The following KCNH1 variants were observed in gnomAD, a reference collection of about 807,000 sequenced individuals.
KCNH1 encodes potassium voltage-gated channel subfamily H member 1.
A neutral mutation model predicts 69.2 loss-of-function variants in KCNH1; 27 were observed. The ratio of observed to expected loss-of-function variants is 0.39; its 90% confidence interval spans 0.29 to 0.54. The LOEUF (loss-of-function observed/expected upper bound fraction) is 0.54. KCNH1 is among the 20% of genes least tolerant of loss of function. KCNH1 has a pLI of 0.68. For missense variants in KCNH1, 798 were observed against 1,261.6 expected, an observed-to-expected ratio of 0.63 and a Z score of 5.57; for synonymous variants, 456 against 487.7, an observed-to-expected ratio of 0.93 and a Z score of 0.86.
chr1:210,764,336 A>T (rs1454507123), intron 10 of KCNH1, among the ~76,000 whole-genome samples: 2 of 152,178 alleles, frequency 1.3e-5, no homozygotes, highest in Non-Finnish European at 2.9e-5. Flanking sequence ...AGTCCTCAAA[A>T]GCAAATGCAA....
intron 6 of KCNH1, among the ~76,000 whole-genome samples, chr1:210,981,671 G>A (rs987437728): frequency 6.6e-6 from 1 of 152,106 alleles, no homozygotes; most frequent in Non-Finnish European, 1.5e-5. Context: ...AAGTCCATCT[G>A]TACTGTCAAA....
At chr1:210,732,204 C>A (rs1246621907) in intron 10 of KCNH1, among the ~76,000 whole-genome samples, 2 of 151,490 alleles carry the variant, frequency 1.3e-5, no homozygotes, top group African/African-American at 4.9e-5. Flanking sequence ...CCAAATCTCA[C>A]CCCCACAAGC....
intron 10 of KCNH1, among the ~76,000 whole-genome samples, chr1:210,760,557 C>A (rs1345033068): frequency 2.0e-5 from 3 of 152,190 alleles, no homozygotes; most frequent in Non-Finnish European, 4.4e-5. Flanking sequence ...AACATGGAAA[C>A]AAACGAATGT....
Position 210,681,976 on chromosome 1 carries a change from G to A in KCNH1, c.*1305C>T, listed in dbSNP as rs568532855. The A allele has an allele frequency of 3.3e-5, 5 of 152,294 alleles. No homozygotes were observed. The East Asian group carries it at 7.8e-4, about 24-fold the overall frequency. The allele number at this position is 152,294 out of a possible 1,614,324, so 9.4% of individuals were successfully genotyped here. On this transcript the variant is annotated 3_prime_UTR_variant, in exon 11 of 11. Coordinates refer to ENST00000271751, the MANE Select transcript of KCNH1 (RefSeq NM_172362.3). The stretch of plus-strand genomic sequence containing the variant: ...GACCATGAGGCAGTGAAGTGTCCCC[G>A]AGCATCGTGGCATAGGGGCTTGGAT...
intron 10 of KCNH1, among the ~76,000 whole-genome samples, chr1:210,694,255 GACAC>G (rs537310674): frequency 1.3e-5 from 2 of 151,838 alleles, no homozygotes; most frequent in African/African-American, 4.8e-5. Context: ...ATGTTTTGAG[GACAC>G]ACACACACGC....
At chr1:211,056,213 C>T (rs1690301129) in intron 5 of KCNH1, among the ~76,000 whole-genome samples, 1 of 152,194 alleles carries the variant, frequency 6.6e-6, no homozygotes, top group African/African-American at 2.4e-5. Context: ...CAGTATTTAC[C>T]ATAAGTTGAC....
chr1:210,761,059 C>T lies in KCNH1; in HGVS notation c.2112+14289G>A, dbSNP rs530006140. 2.0e-3 allele frequency among the ~76,000 whole-genome samples: 295 copies of T among 150,992 alleles called. 1 individual carries two copies. Among genetic ancestry groups the T allele is most frequent in the African/African-American group, 6.6e-3 (270 of 41,156 alleles). On this transcript the variant is annotated intron_variant, in intron 10 of 10. Coordinates refer to ENST00000271751, the MANE Select transcript of KCNH1 (RefSeq NM_172362.3). ...CAAGGTCAGGAGATCGAGACCATCC[C>T]GGCTAAAATGGTGAAACCCCGTCTC...
At chr1:210,826,598 G>GACAGC (rs1685036235) in intron 7 of KCNH1, among the ~76,000 whole-genome samples, 1 of 152,134 alleles carries the variant, frequency 6.6e-6, no homozygotes, top group Non-Finnish European at 1.5e-5. Context: ...TCTTTTGAAA[G>GACAGC]ACAGCACAGC....
intron 10 of KCNH1, among the ~76,000 whole-genome samples, chr1:210,774,307 A>T (rs1683817597): frequency 6.6e-6 from 1 of 152,134 alleles, no homozygotes; most frequent in African/African-American, 2.4e-5. Flanking sequence ...GGGCATGAGG[A>T]AGGTTTTTAA....
At chr1:210,721,897 A>G (rs1038819591) in intron 10 of KCNH1, among the ~76,000 whole-genome samples, 25 of 152,244 alleles carry the variant, frequency 1.6e-4, no homozygotes, top group Non-Finnish European at 1.5e-5. Context: ...CTGTGGTTCC[A>G]GGAAGAGACT....
At chr1:210,871,053 G>T (rs1686230380) in intron 7 of KCNH1, among the ~76,000 whole-genome samples, 1 of 152,244 alleles carries the variant, frequency 6.6e-6, no homozygotes, top group South Asian at 2.1e-4. Context: ...TGACAAATGG[G>T]ATCTAATTAA....
intron 10 of KCNH1, among the ~76,000 whole-genome samples, chr1:210,696,047 C>G (rs1044186408): frequency 2.0e-5 from 3 of 152,210 alleles, no homozygotes; most frequent in African/African-American, 7.2e-5. Context: ...TCTGGTCACT[C>G]CCTGCACAAG....
chr1:211,118,963 T>G (rs1212173191), intron 1 of KCNH1, among the ~76,000 whole-genome samples: 1 of 152,228 alleles, frequency 6.6e-6, no homozygotes. Context: ...TATTTCACAA[T>G]ACACGTCTAA....
chr1:210,767,108 AC>A, intron 10 of KCNH1, among the ~76,000 whole-genome samples: 1 of 152,220 alleles, frequency 6.6e-6, no homozygotes, highest in Non-Finnish European at 1.5e-5. Flanking sequence ...AGTCCAAAAA[AC>A]TTGGCAGATG....
At chr1:210,822,431 G>A (rs994840549) in intron 7 of KCNH1, among the ~76,000 whole-genome samples, 7 of 152,126 alleles carry the variant, frequency 4.6e-5, no homozygotes, top group African/African-American at 7.2e-5. Context: ...AATATAATGA[G>A]AGTACAGGGA....
intron 7 of KCNH1, among the ~76,000 whole-genome samples, chr1:210,820,106 GC>G (rs1176809859): frequency 6.6e-6 from 1 of 152,180 alleles, no homozygotes; most frequent in Non-Finnish European, 1.5e-5. Context: ...GTTGTTTTAA[GC>G]CTCTACATTT....
chr1:210,878,170 G>A (rs893751110), intron 7 of KCNH1, among the ~76,000 whole-genome samples: 6 of 151,944 alleles, frequency 3.9e-5, no homozygotes, highest in Non-Finnish European at 7.4e-5. Flanking sequence ...GGACTGCAAG[G>A]AGAAAAAGAT....
At chr1:211,120,346 T>G (rs1192792989) in intron 1 of KCNH1, among the ~76,000 whole-genome samples, 5 of 152,082 alleles carry the variant, frequency 3.3e-5, no homozygotes, top group Non-Finnish European at 5.9e-5. Flanking sequence ...TATGCCACCA[T>G]GCCCAACTAA....
At chr1:210,762,215 G>A (rs976588531) in intron 10 of KCNH1, among the ~76,000 whole-genome samples, 4 of 152,074 alleles carry the variant, frequency 2.6e-5, no homozygotes, top group Non-Finnish European at 5.9e-5. Context: ...AAATCTCTGG[G>A]ATGCATCAAA....
Sources: allele counts gnomAD v4.1 joint callset (sites outside exome capture counted in the v4.1 genomes callset), GRCh38; gene constraint gnomAD v4.1.1; transcripts MANE v1.5; gene names NCBI Gene and HGNC (gene_info 2026-07-23, HGNC 2026-07-21).